The following EP300 variants were observed in gnomAD, a reference collection of about 807,000 sequenced individuals.
The protein encoded by EP300 is histone acetyltransferase p300.
In EP300, 31 loss-of-function variants were observed where a neutral mutation model predicts 264.0. The ratio of observed to expected loss-of-function variants is 0.12; its 90% CI spans 0.09 to 0.16. EP300 has a LOEUF of 0.16. EP300 is among the 10% of genes least tolerant of loss of function. The pLI is 1.00. For missense variants in EP300, 2,766 were observed against 3,052.9 expected, an observed-to-expected ratio of 0.91 and a Z score of 2.21; for synonymous variants, 1,340 against 1,045.4, an observed-to-expected ratio of 1.28 and a Z score of -5.44.
intron 1 of EP300, among the ~76,000 whole-genome samples, chr22:41,109,935 T>C (rs1023164497): frequency 2.6e-5 from 4 of 151,202 alleles, no homozygotes; most frequent in Non-Finnish European, 4.4e-5. Context: ...TGCCCCGGCC[T>C]CCTGAGTAGC....
intron 1 of EP300, among the ~76,000 whole-genome samples, chr22:41,113,215 A>G (rs898129346): frequency 7.4e-6 from 1 of 135,300 alleles, no homozygotes; most frequent in Admixed American, 8.6e-5. Flanking sequence ...TCCATATCCT[A>G]TATGATTTCT....
intron 25 of EP300, 53 bp downstream of exon 25, chr22:41,168,920 A>G: frequency 6.2e-7 from 1 of 1,608,866 alleles, no homozygotes; most frequent in Non-Finnish European, 8.5e-7. Flanking sequence ...GTTCCAACTT[A>G]TAATAGGTGG....
intron 23 of EP300, among the ~76,000 whole-genome samples, chr22:41,167,321 G>A (rs2059140175): frequency 6.6e-6 from 1 of 151,990 alleles, no homozygotes; most frequent in Non-Finnish European, 1.5e-5. Context: ...ATTTATATGG[G>A]CTACCTTTTG....
At chr22:41,111,150 G>A (rs1375096623) in intron 1 of EP300, among the ~76,000 whole-genome samples, 1 of 151,934 alleles carries the variant, frequency 6.6e-6, no homozygotes, top group African/African-American at 2.4e-5. Context: ...ATTTTTAGTG[G>A]AGACCGGGTT....
intron 23 of EP300, 91 bp downstream of exon 23, chr22:41,166,757 A>G: frequency 1.3e-6 from 1 of 773,310 alleles, no homozygotes; most frequent in Non-Finnish European, 2.2e-6. Context: ...GTTTTTAATC[A>G]CAGTAATAGA....
chr22:41,110,056 G>A (rs943197350), intron 1 of EP300, among the ~76,000 whole-genome samples: 2 of 149,078 alleles, frequency 1.3e-5, no homozygotes, highest in Non-Finnish European at 3.0e-5. Flanking sequence ...TGATCTGCTC[G>A]CCTCGGCCTC....
At chr22:41,093,206 C>T (rs79025492) in intron 1 of EP300, 108 bp downstream of exon 1, 3 of 1,119,010 alleles carry the variant, frequency 2.7e-6, no homozygotes, top group East Asian at 2.5e-5. Context: ...TTCCCTGCCC[C>T]TTAATTAATT....
intron 1 of EP300, among the ~76,000 whole-genome samples, chr22:41,105,218 AAAAG>A (rs1314014113): frequency 0.011 from 1,533 of 144,746 alleles, 15 homozygotes; most frequent in Non-Finnish European, 0.019. Context: ...AAAAAAAAAA[AAAAG>A]CCGGGCGTGG....
At position 41,178,021 on chromosome 22, in the gene EP300, C is replaced by G. The variant is rs375274986; in HGVS notation, c.6310C>G (p.Pro2104Ala). The G allele has an allele frequency of 1.2e-6, 2 of 1,613,936 alleles. No individual in the cohort carries two copies. Among genetic ancestry groups the G allele is most frequent in the African/African-American group, 1.3e-5 (1 of 74,916 alleles). ...NSNPQPIPGQ[P>A]GMPQGQPGLQ... is the part of the protein sequence containing the mutation. ...TAATCCACAACCCATCCCTGGGCAGCCTGGCATGCCCCAGGGGCAGCCAGG... is the reference window on the plus strand; with the variant it reads ...TAATCCACAACCCATCCCTGGGCAGGCTGGCATGCCCCAGGGGCAGCCAGG... The change falls in exon 31 of 31, where the codon CCT (proline) becomes GCT (alanine). Residue 2104 changes from proline (P) to alanine (A), a missense_variant. Transcript: ENST00000263253.
chr22:41,176,908 C>T lies in EP300; in HGVS notation c.5197C>T (p.Leu1733=), dbSNP rs762527097. ...ATQSPGDSRR[L]SIQRCIQSLV... ...CCAGAGCCCAGGCGATTCTCGCCGC[C>T]TGAGTATCCAGCGCTGCATCCAGTC... is the stretch of plus-strand genomic sequence containing the variant. The change falls in exon 31 of 31, where the codon CTG becomes TTG. Residue 1733 remains leucine, a synonymous_variant. Transcript: ENST00000263253. 6.2e-7 allele frequency: 1 copy of T among 1,614,042 alleles called. No individual in the cohort carries two copies. Among genetic ancestry groups the T allele is most frequent in the Admixed American group, 1.7e-5 (1 of 59,996 alleles).
intron 16 of EP300, among the ~76,000 whole-genome samples, 155 bp downstream of exon 16, chr22:41,152,505 ATT>A (rs994272040): frequency 6.6e-6 from 1 of 150,522 alleles, no homozygotes; most frequent in South Asian, 2.1e-4. Flanking sequence ...GTTACTAATA[ATT>A]TTTCTTTCTT....
At chr22:41,130,061 C>G in intron 5 of EP300, 58 bp downstream of exon 5, 1 of 1,226,836 alleles carries the variant, frequency 8.2e-7, no homozygotes, top group Non-Finnish European at 1.2e-6. Flanking sequence ...TCACCAGTGC[C>G]ATTTATAGTA....
intron 1 of EP300, among the ~76,000 whole-genome samples, chr22:41,094,336 CGA>C (rs1422429124): frequency 1.3e-5 from 2 of 152,102 alleles, no homozygotes; most frequent in Admixed American, 6.5e-5. Flanking sequence ...TAGAGAACTT[CGA>C]GAGCATGTTT....
At chr22:41,168,402 C>CT in intron 23 of EP300, 47 bp from the exon 24 acceptor site, 1 of 1,607,184 alleles carries the variant, frequency 6.2e-7, no homozygotes. Context: ...TTAAGACTAA[C>CT]AACAGTAAAT....
chr22:41,168,988 A>C, intron 25 of EP300, 121 bp downstream of exon 25: 3 of 1,374,156 alleles, frequency 2.2e-6, no homozygotes, highest in Non-Finnish European at 2.1e-6. Flanking sequence ...GCAAAATCTC[A>C]AGTGTCCAGT....
In EP300 at chr22:41,143,190, C is replaced by T. The variant is rs549449027; in HGVS notation, c.2053+1968C>T. Among the ~76,000 whole-genome samples, 10 of 152,164 alleles carry T rather than the reference C, an allele frequency of 6.6e-5. No homozygotes were observed. In the South Asian group the frequency reaches 1.5e-3, roughly 22 times the overall value. On this transcript the variant is annotated intron_variant, in intron 10 of 30. Transcript: ENST00000263253. ...AGTGGTCGGGCATGGTGGTGGCTCA[C>T]GCCTGTAATCCCAGCTCTTTGGGAG... is the stretch of plus-strand genomic sequence containing the variant.
At chr22:41,094,924 C>G (rs965527869) in intron 1 of EP300, among the ~76,000 whole-genome samples, 1 of 152,042 alleles carries the variant, frequency 6.6e-6, no homozygotes, top group Admixed American at 6.6e-5. Flanking sequence ...GTCTGTTTTG[C>G]TACTTGAAAT....
chr22:41,158,967 T>C (rs112750450), intron 19 of EP300: 2,242 of 168,410 alleles, frequency 0.013, 25 homozygotes, highest in Non-Finnish European at 0.02. Flanking sequence ...CTTTGCCTCA[T>C]ATTAAGCAAA....
In EP300 at chr22:41,178,197, C is replaced by A. The variant is rs773365574; in HGVS notation, c.6486C>A (p.Ser2162Arg). 1 of 1,614,160 alleles carries A rather than the reference C, an allele frequency of 6.2e-7. No homozygotes were observed. The highest frequency in any genetic ancestry group is 1.1e-5 in the South Asian group (1 of 91,084). ...TCCAGCCACCCATGGGAGGGATGAG[C>A]CCCCAGGCTCAGCAGATGAACATGA... ...QQLQPPMGGMSPQAQQMNMNH... is the reference protein window; with the variant it reads ...QQLQPPMGGMRPQAQQMNMNH... The change falls in exon 31 of 31, where the codon AGC becomes AGA. Residue 2162 changes from serine to arginine, a missense_variant. Transcript: ENST00000263253.
Sources: allele counts gnomAD v4.1 joint callset (sites outside exome capture counted in the v4.1 genomes callset), GRCh38; gene constraint gnomAD v4.1.1; transcripts MANE v1.5; gene names NCBI Gene and HGNC (gene_info 2026-07-23, HGNC 2026-07-21).